IL1RAPL1: variants seen among roughly 807,000 people sequenced by gnomAD.
The protein encoded by IL1RAPL1 is interleukin-1 receptor accessory protein-like 1.
A neutral mutation model predicts 48.4 loss-of-function variants in IL1RAPL1; 3 were observed. The ratio of observed to expected loss-of-function variants is 0.06; its 90% CI spans 0.03 to 0.16. The LOEUF (loss-of-function observed/expected upper bound fraction) is 0.16, where lower values mean the gene tolerates loss of function less well. Among genes scored for constraint, IL1RAPL1 ranks in the 10% least tolerant of loss-of-function variants. IL1RAPL1 has a pLI of 1.00. For missense variants in IL1RAPL1, 349 were observed against 530.6 expected (o/e 0.66, Z 3.36); for synonymous variants, 185 against 187.7 (o/e 0.99, Z 0.12).
chrX:28,873,106 CTTTTTTTT>C (rs764591682), intron 2 of IL1RAPL1, among the ~76,000 whole-genome samples: 2 of 64,990 alleles, frequency 3.1e-5, no homozygotes, highest in African/African-American at 1.6e-4. Flanking sequence ...TTTTTTTTCA[CTTTTTTTT>C]TTTTTTTTTT....
intron 2 of IL1RAPL1, among the ~76,000 whole-genome samples, chrX:29,140,318 A>G (rs1270254584): frequency 8.9e-6 from 1 of 111,992 alleles, no homozygotes; most frequent in Non-Finnish European, 1.9e-5. Flanking sequence ...CCCAAACTAT[A>G]TGAAATGGTT....
intron 5 of IL1RAPL1, among the ~76,000 whole-genome samples, chrX:29,601,421 G>A (rs1923714972): frequency 9.0e-6 from 1 of 111,665 alleles, no homozygotes; most frequent in Non-Finnish European, 1.9e-5. Flanking sequence ...ATTGAAATTT[G>A]TATACTTTGG....
chrX:28,990,442 C>A (rs1266217991), intron 2 of IL1RAPL1, among the ~76,000 whole-genome samples: 1 of 111,903 alleles, frequency 8.9e-6, no homozygotes, highest in East Asian at 2.8e-4. Context: ...AATCTGAAAT[C>A]CTTAGACATA....
intron 1 of IL1RAPL1, among the ~76,000 whole-genome samples, chrX:28,602,798 T>A (rs1047822234): frequency 2.7e-5 from 3 of 111,466 alleles, no homozygotes; most frequent in African/African-American, 9.8e-5. Flanking sequence ...ATGTTACTAT[T>A]GGCTATGATT....
intron 1 of IL1RAPL1, among the ~76,000 whole-genome samples, chrX:28,720,528 G>C (rs1186076507): frequency 2.7e-5 from 3 of 111,880 alleles, no homozygotes; most frequent in African/African-American, 9.7e-5. Flanking sequence ...CCTACTACTT[G>C]TTATTGCAAA....
intron 2 of IL1RAPL1, among the ~76,000 whole-genome samples, chrX:28,868,327 C>T (rs1418669831): frequency 8.9e-6 from 1 of 111,771 alleles, no homozygotes; most frequent in Non-Finnish European, 1.9e-5. Context: ...CTTTCTAATC[C>T]TCAGTTTTCA....
intron 3 of IL1RAPL1, among the ~76,000 whole-genome samples, chrX:29,371,103 C>A (rs889891524): frequency 2.1e-5 from 2 of 95,846 alleles, no homozygotes; most frequent in Non-Finnish European, 4.2e-5. Context: ...ATCACTAGAA[C>A]TTATTTCTCC....
intron 1 of IL1RAPL1, among the ~76,000 whole-genome samples, chrX:28,618,755 A>T (rs1023638011): frequency 1.8e-5 from 2 of 112,304 alleles, no homozygotes; most frequent in African/African-American, 6.5e-5. Flanking sequence ...TCTTATTAAC[A>T]GGGTGTTGAG....
At chrX:29,412,677 G>T (rs1196480601) in intron 5 of IL1RAPL1, among the ~76,000 whole-genome samples, 1 of 112,096 alleles carries the variant, frequency 8.9e-6, no homozygotes, top group Admixed American at 9.5e-5. Flanking sequence ...TGAAAGTGAA[G>T]TGTGGTATCA....
chrX:29,527,326 C>CT (rs61003668), intron 5 of IL1RAPL1, among the ~76,000 whole-genome samples: 7,278 of 24,891 alleles, frequency 0.29, 2,569 homozygotes, highest in South Asian at 0.4. Flanking sequence ...GGGAAGGACT[C>CT]TTTTTTTTTT....
At chrX:29,803,623 GTA>G (rs1455166571) in intron 6 of IL1RAPL1, among the ~76,000 whole-genome samples, 2 of 101,934 alleles carry the variant, frequency 2.0e-5, no homozygotes, top group African/African-American at 7.2e-5. Flanking sequence ...GTGTATATAT[GTA>G]TATATGTGTA....
chrX:28,724,820 G>T lies in IL1RAPL1; in HGVS notation c.-24-64500G>T, dbSNP rs111402872. Reference sequence around the variant, plus strand: ...GACTGATTGTTAGAGACTTTTTTGTGTTTCTATGGAAAAATTAAAACATAT... The same window carrying T: ...GACTGATTGTTAGAGACTTTTTTGTTTTTCTATGGAAAAATTAAAACATAT... On this transcript the variant is annotated intron_variant, in intron 1 of 10. Transcript: ENST00000378993. 7.2e-3 allele frequency among the ~76,000 whole-genome samples: 797 copies of T among 110,308 alleles called. 12 individuals are homozygous for T. The highest frequency in any genetic ancestry group is 0.025 in the African/African-American group (744 of 30,359).
chrX:29,228,215 CACACACACAA>C (rs1931121793), intron 2 of IL1RAPL1, among the ~76,000 whole-genome samples: 1 of 66,465 alleles, frequency 1.5e-5, no homozygotes, highest in African/African-American at 4.8e-5. Flanking sequence ...CACACACACA[CACACACACAA>C]CTGTGACCAT....
intron 1 of IL1RAPL1, among the ~76,000 whole-genome samples, chrX:28,730,715 G>A (rs183635719): frequency 1.4e-4 from 16 of 111,656 alleles, no homozygotes; most frequent in Admixed American, 3.8e-4. Flanking sequence ...ATTTATAGGT[G>A]CCAGTTCAGA....
At chrX:28,886,477 G>A in intron 2 of IL1RAPL1, among the ~76,000 whole-genome samples, 1 of 107,987 alleles carries the variant, frequency 9.3e-6, no homozygotes, top group Non-Finnish European at 1.9e-5. Context: ...TCTCTCTGAA[G>A]TGCAAGTAAG....
At chrX:29,449,370 A>G (rs961117441) in intron 5 of IL1RAPL1, among the ~76,000 whole-genome samples, 1 of 111,179 alleles carries the variant, frequency 9.0e-6, no homozygotes, top group African/African-American at 3.3e-5. Context: ...TTATCTGTCT[A>G]TCTGAGTGAA....
chrX:29,938,956 C>A (rs774888137), intron 8 of IL1RAPL1, among the ~76,000 whole-genome samples: 28 of 112,218 alleles, frequency 2.5e-4, no homozygotes, highest in Non-Finnish European at 3.2e-4. Flanking sequence ...TATGAACATA[C>A]AATAGTTTGT....
intron 1 of IL1RAPL1, among the ~76,000 whole-genome samples, chrX:28,682,389 A>C (rs1484488055): frequency 9.1e-6 from 1 of 110,414 alleles, no homozygotes; most frequent in Non-Finnish European, 1.9e-5. Context: ...GCTCACTGCA[A>C]CCTCCACCTC....
At chrX:28,936,347 A>C (rs1171617874) in intron 2 of IL1RAPL1, among the ~76,000 whole-genome samples, 2 of 110,362 alleles carry the variant, frequency 1.8e-5, no homozygotes, top group African/African-American at 6.6e-5. Context: ...AATATTGAAA[A>C]TTATAAAAAA....
Sources: gnomAD v4.1 joint callset for allele counts (sites outside exome capture counted in the v4.1 genomes callset) on GRCh38, gnomAD v4.1.1 for gene constraint, MANE v1.5 for transcripts, NCBI Gene and HGNC (gene_info 2026-07-23, HGNC 2026-07-21) for gene names.